ANKFN1: variants seen among roughly 807,000 people sequenced by gnomAD.
The protein encoded by ANKFN1 is ankyrin repeat and fibronectin type-III domain-containing protein 1.
A neutral mutation model predicts 108.7 loss-of-function variants in ANKFN1; 74 were observed. That is an observed-to-expected ratio of 0.68 (90% CI 0.56 to 0.83). The LOEUF is 0.83. Ranked by LOEUF, ANKFN1 falls within the 40% of genes least tolerant of loss-of-function variation. The probability of loss-of-function intolerance (pLI) is 0.00; values close to 1 mark genes in which losing one functional copy is unlikely to be tolerated. For synonymous variants in ANKFN1, 547 were observed against 516.2 expected, an observed-to-expected ratio of 1.06 and a Z score of -0.81; for missense variants, 1,505 against 1,382.3, an observed-to-expected ratio of 1.09 and a Z score of -1.41.
intron 6 of ANKFN1, 106 bp downstream of exon 6, chr17:56,354,152 A>G: frequency 2.0e-6 from 2 of 1,019,044 alleles, no homozygotes; most frequent in Non-Finnish European, 1.5e-6. Context: ...TTGACTAAGC[A>G]TAGACTCTGA....
intron 4 of ANKFN1, among the ~76,000 whole-genome samples, chr17:56,086,261 C>T (rs1159721118): frequency 2.0e-5 from 3 of 150,608 alleles, no homozygotes; most frequent in East Asian, 3.9e-4. Flanking sequence ...AAAAATTAGC[C>T]TGATGTAGCA....
chr17:56,495,724 T>C (rs145724053), intron 19 of ANKFN1, among the ~76,000 whole-genome samples: 211 of 152,310 alleles, frequency 1.4e-3, no homozygotes, highest in African/African-American at 4.9e-3. Flanking sequence ...GCAATTAGGC[T>C]ATAATTTATA....
intron 4 of ANKFN1, among the ~76,000 whole-genome samples, chr17:56,143,073 A>G (rs1908025100): frequency 6.6e-6 from 1 of 152,172 alleles, no homozygotes. Flanking sequence ...GGAAGAGAAG[A>G]CATTGCGAAG....
At chr17:56,443,687 A>G (rs745644264) in intron 10 of ANKFN1, among the ~76,000 whole-genome samples, 7 of 152,230 alleles carry the variant, frequency 4.6e-5, no homozygotes, top group Non-Finnish European at 1.0e-4. Context: ...GGTGGCTGAG[A>G]AACCCAGCAA....
intron 4 of ANKFN1, among the ~76,000 whole-genome samples, chr17:56,333,720 G>C (rs1349134912): frequency 6.6e-6 from 1 of 152,010 alleles, no homozygotes; most frequent in Non-Finnish European, 1.5e-5. Context: ...TGGAAGAGTT[G>C]TATGTCGAAT....
rs777309313 is a variant in ANKFN1, at chr17:56,062,128, G to T, written c.288+15803G>T. Among the ~76,000 whole-genome samples the T allele has an allele frequency of 2.6e-5, 4 of 152,156 alleles. No individual in the cohort carries two copies. The South Asian group carries it at 6.2e-4, about 24-fold the overall frequency. ...TTATGATTTCAGTTCTTTTGCATTT[G>T]CTGAGGAGTGTTTTACTTCCAATTA... On this transcript the variant is annotated intron_variant, in intron 4 of 12. Transcript: ENST00000635860.
At chr17:56,131,394 A>G (rs1907273532) in intron 4 of ANKFN1, among the ~76,000 whole-genome samples, 1 of 152,226 alleles carries the variant, frequency 6.6e-6, no homozygotes, top group African/African-American at 2.4e-5. Context: ...GGACTGTCTA[A>G]ATGAAAGTTT....
intron 3 of ANKFN1, among the ~76,000 whole-genome samples, chr17:56,263,095 A>T (rs1192027356): frequency 6.6e-6 from 1 of 152,244 alleles, no homozygotes; most frequent in Non-Finnish European, 1.5e-5. Context: ...AAGGGCACTT[A>T]GGCCCTACAG....
At chr17:56,220,818 G>C (rs1039971369) in intron 2 of ANKFN1, among the ~76,000 whole-genome samples, 16 of 47,606 alleles carry the variant, frequency 3.4e-4, no homozygotes, top group African/African-American at 1.2e-3. Flanking sequence ...GAGGAAGGAA[G>C]GAAGGAAGGA....
At chr17:56,458,257 G>T (rs974764005) in intron 14 of ANKFN1, among the ~76,000 whole-genome samples, 2 of 152,096 alleles carry the variant, frequency 1.3e-5, no homozygotes, top group Non-Finnish European at 2.9e-5. Flanking sequence ...TTGAGTTCTA[G>T]ATTTGATATT....
chr17:56,203,222 C>T (rs1230120120), intron 1 of ANKFN1, among the ~76,000 whole-genome samples: 1 of 152,012 alleles, frequency 6.6e-6, no homozygotes, highest in African/African-American at 2.4e-5. Flanking sequence ...CTGAAGGTCT[C>T]CCTAAATATC....
At chr17:56,425,030 C>T (rs1425891202) in intron 8 of ANKFN1, among the ~76,000 whole-genome samples, 7 of 151,926 alleles carry the variant, frequency 4.6e-5, no homozygotes, top group Admixed American at 1.3e-4. Context: ...AGCTGAGACC[C>T]GTTACATACA....
At position 56,423,245 on chromosome 17, in the gene ANKFN1, C is replaced by T. The variant is rs183033299; in HGVS notation, c.911-17082C>T. On this transcript the variant is annotated intron_variant, in intron 8 of 20. Transcript: ENST00000682825. Reference sequence around the variant, plus strand: ...ACAGAAAGCAAGTGGGCTGGAGCCACGCACCACACAGACACGTTGGGTCAA... The same window carrying T: ...ACAGAAAGCAAGTGGGCTGGAGCCATGCACCACACAGACACGTTGGGTCAA... Among the ~76,000 whole-genome samples the T allele has an allele frequency of 1.0e-3, 154 of 152,276 alleles. 2 individuals carry two copies. The Middle Eastern group carries it at 0.014, about 13-fold the overall frequency.
intron 4 of ANKFN1, among the ~76,000 whole-genome samples, chr17:56,078,301 C>G (rs1017301603): frequency 6.6e-6 from 1 of 152,256 alleles, no homozygotes; most frequent in African/African-American, 2.4e-5. Flanking sequence ...CCCTGGTCAC[C>G]TTGGGTTCTA....
Position 56,374,714 on chromosome 17 carries a change from G to A in ANKFN1, c.910G>A (p.Val304Met). 2 of 1,605,906 alleles carry A rather than the reference G, an allele frequency of 1.2e-6. No homozygotes were observed. The highest frequency in any genetic ancestry group is 1.7e-6 in the Non-Finnish European group (2 of 1,173,922). The change falls in exon 8 of 21, where the codon GTG (valine) becomes ATG (methionine). Residue 304 changes from valine (V) to methionine (M), a missense_variant and splice_region_variant. By Grantham distance (21) the Val-to-Met change is conservative (BLOSUM62 1). Transcript: ENST00000682825. The part of the protein sequence containing the change: ...VNAAVVTRYK[V>M]EWSMSEDFSP... ...TGCAGCTGTAGTAACCAGGTATAAA[G>A]GTACTGGACCCAAGACATGTTTTCA...
At chr17:56,435,335 T>G (rs1309763617) in intron 8 of ANKFN1, among the ~76,000 whole-genome samples, 3 of 152,212 alleles carry the variant, frequency 2.0e-5, no homozygotes, top group Non-Finnish European at 4.4e-5. Flanking sequence ...CTAAGGAGCT[T>G]ATAGACTACA....
chr17:56,283,857 C>T (rs1325805130), intron 3 of ANKFN1, among the ~76,000 whole-genome samples: 1 of 151,942 alleles, frequency 6.6e-6, no homozygotes, highest in African/African-American at 2.4e-5. Flanking sequence ...CTCATGTAAC[C>T]AAATACCACC....
chr17:56,308,846 A>G (rs2044923801), intron 3 of ANKFN1, among the ~76,000 whole-genome samples: 1 of 152,148 alleles, frequency 6.6e-6, no homozygotes, highest in African/African-American at 2.4e-5. Flanking sequence ...TGCGCCTTTT[A>G]TCTGTTAATA....
At chr17:56,249,349 G>A (rs894711359) in intron 3 of ANKFN1, among the ~76,000 whole-genome samples, 1 of 151,830 alleles carries the variant, frequency 6.6e-6, no homozygotes, top group African/African-American at 2.4e-5. Flanking sequence ...CAGGAGAATC[G>A]CTTGAACTTG....
Sources: gnomAD v4.1 joint callset for allele counts (sites outside exome capture counted in the v4.1 genomes callset) on GRCh38, gnomAD v4.1.1 for gene constraint, MANE v1.5 for transcripts, NCBI Gene and HGNC (gene_info 2026-07-23, HGNC 2026-07-21) for gene names.